The following ATP7B variants were observed in gnomAD, a reference collection of about 807,000 sequenced individuals.
ATP7B encodes ATPase copper transporting beta.
A neutral mutation model predicts 118.9 loss-of-function variants in ATP7B; 113 were observed. The ratio of observed to expected loss-of-function variants is 0.95; its 90% CI spans 0.82 to 1.11. The LOEUF (loss-of-function observed/expected upper bound fraction) is 1.11, where lower values mean the gene tolerates loss of function less well. ATP7B is among the 50% of genes most tolerant of loss of function. The pLI is 0.00. For synonymous variants in ATP7B, 777 were observed against 727.4 expected, an observed-to-expected ratio of 1.07 and a Z score of -1.10; for missense variants, 1,867 against 1,871.4, an observed-to-expected ratio of 1.00 and a Z score of 0.04.
chr13:51,957,112 TAAG>T (rs1958397067), intron 9 of ATP7B, among the ~76,000 whole-genome samples: 1 of 152,186 alleles, frequency 6.6e-6, no homozygotes, highest in Admixed American at 6.5e-5. Flanking sequence ...CAGGCAACCT[TAAG>T]AAGAAGATAA....
At chr13:52,010,501 T>G (rs1218578417) in intron 1 of ATP7B, among the ~76,000 whole-genome samples, 2 of 152,176 alleles carry the variant, frequency 1.3e-5, no homozygotes, top group Non-Finnish European at 2.9e-5. Flanking sequence ...TAAACTATGA[T>G]GCGTCCAAAC....
At position 51,964,974 on chromosome 13, in the gene ATP7B, TG is replaced by T; in HGVS notation, c.1766del (p.Thr589LysfsTer59). On this transcript the variant is annotated frameshift_variant, in exon 5 of 21. Transcript: ENST00000242839. LOFTEE classifies it high-confidence loss of function. ...CAACGGAGGCATAAGTGATGCCATT[TG>T]TCCTCGTGAGTTTGGACTCTATGTT... ...VHNIESKLTR[T>X]NGITYASVAL... The T allele has an allele frequency of 6.2e-7, 1 of 1,614,236 alleles. No homozygotes were observed. Among genetic ancestry groups the T allele is most frequent in the Non-Finnish European group, 8.5e-7 (1 of 1,180,040 alleles).
intron 1 of ATP7B, 33 bp downstream of exon 1, chr13:52,011,254 C>A (rs752911775): frequency 6.2e-7 from 1 of 1,614,164 alleles, no homozygotes; most frequent in Non-Finnish European, 8.5e-7. Flanking sequence ...TGGGAGTGAG[C>A]ACGCTGCGCG....
rs539337161 is a variant in ATP7B, at chr13:51,986,017, C to T, written c.52-10849G>A. ...CAATTAAAAGAACTAGAGCAGCAAG[C>T]GCAAAGAAATTCAAACGCTAGCAGA... On this transcript the variant is annotated intron_variant, in intron 1 of 20. Transcript: ENST00000242839. Among the ~76,000 whole-genome samples, 7 of 151,932 alleles carry T rather than the reference C, an allele frequency of 4.6e-5. No individual in the cohort carries two copies. The East Asian group carries it at 5.8e-4, about 13-fold the overall frequency.
intron 3 of ATP7B, 90 bp from the exon 4 acceptor site, chr13:51,968,697 T>G: frequency 1.4e-6 from 2 of 1,466,490 alleles, no homozygotes; most frequent in Non-Finnish European, 1.9e-6. Context: ...GAAACACATC[T>G]TCCCAGAATC....
chr13:51,968,638 C>T lies in ATP7B; in HGVS notation c.1544-31G>A, dbSNP rs1951689004. The T allele has an allele frequency of 3.7e-6, 6 of 1,613,318 alleles. No homozygotes were observed. The South Asian group carries it at 6.6e-5, about 18-fold the overall frequency. ...ACCATCAGGTCATGGCTGTAACACT[C>T]TGGGTGGGCAGGGCCTCTAGGTTGA... On this transcript the variant is annotated intron_variant, in intron 3 of 20. Transcript: ENST00000242839.
chr13:51,997,715 G>A (rs529411937), intron 1 of ATP7B, among the ~76,000 whole-genome samples: 1 of 152,148 alleles, frequency 6.6e-6, no homozygotes, highest in Admixed American at 6.5e-5. Flanking sequence ...GGATTACAAG[G>A]GGCAGAAAAT....
chr13:52,010,455 T>C (rs1192657616), intron 1 of ATP7B, among the ~76,000 whole-genome samples: 1 of 152,142 alleles, frequency 6.6e-6, no homozygotes, highest in African/African-American at 2.4e-5. Flanking sequence ...AGAAAAAAAG[T>C]AGCAAACAGA....
intron 1 of ATP7B, among the ~76,000 whole-genome samples, chr13:52,008,604 C>T (rs754275253): frequency 3.3e-5 from 5 of 152,292 alleles, no homozygotes; most frequent in Admixed American, 6.5e-5. Context: ...GCTCTTATCA[C>T]CATCTCTCAG....
chr13:52,000,747 G>T (rs1953454437), intron 1 of ATP7B, among the ~76,000 whole-genome samples: 1 of 152,176 alleles, frequency 6.6e-6, no homozygotes, highest in African/African-American at 2.4e-5. Flanking sequence ...TCATCCAGGT[G>T]CAGGGGCTCA....
chr13:52,008,279 G>A (rs1953871233), intron 1 of ATP7B, among the ~76,000 whole-genome samples: 1 of 152,222 alleles, frequency 6.6e-6, no homozygotes, highest in African/African-American at 2.4e-5. Context: ...GGCACAGGTT[G>A]CAGTGAACCG....
At position 51,957,556 on chromosome 13, in the gene ATP7B, C is replaced by T. The variant is rs1409618843; in HGVS notation, c.2407G>A (p.Ala803Thr). ...TCCTCACCAAGGGTCACAACGGTGGCTTCTGTGGCTTGGAGAGACATGAGT... is the reference window on the plus strand; with the variant it reads ...TCCTCACCAAGGGTCACAACGGTGGTTTCTGTGGCTTGGAGAGACATGAGT... ...AKLMSLQATEATVVTLGEDNL... is the reference protein window; with the variant it reads ...AKLMSLQATETTVVTLGEDNL... Residue 803 changes from alanine to threonine, a missense_variant, in exon 9 of 21, where the codon GCC (alanine) becomes ACC (threonine). Coordinates refer to ENST00000242839, the MANE Select transcript of ATP7B (RefSeq NM_000053.4). 3 of 1,614,092 alleles carry T rather than the reference C, an allele frequency of 1.9e-6. No homozygotes were observed. Among genetic ancestry groups the T allele is most frequent in the East Asian group, 4.5e-5 (2 of 44,902 alleles).
At chr13:51,936,137 T>C (rs1388290596) in intron 19 of ATP7B, among the ~76,000 whole-genome samples, 2 of 152,166 alleles carry the variant, frequency 1.3e-5, no homozygotes, top group Non-Finnish European at 2.9e-5. Context: ...CAGGGCTTCA[T>C]GACATCTTTA....
At chr13:52,011,490 G>A (rs1269578907), upstream of ATP7B, 3 of 870,216 alleles carry the variant, frequency 3.4e-6, no homozygotes, top group African/African-American at 3.3e-5. Context: ...ACAGGGGTCC[G>A]GGAACCGCCC....
At chr13:52,011,613 G>A (rs565290186), upstream of ATP7B, 9 of 570,068 alleles carry the variant, frequency 1.6e-5, no homozygotes, top group Non-Finnish European at 2.8e-5. Flanking sequence ...GGGAGAGTGG[G>A]CCTCGGACCC....
At chr13:51,978,004 T>C (rs2140171413) in intron 1 of ATP7B, among the ~76,000 whole-genome samples, 1 of 152,136 alleles carries the variant, frequency 6.6e-6, no homozygotes, top group South Asian at 2.1e-4. Context: ...AGATCAAAGA[T>C]TAACATGTAA....
Position 51,957,501 on chromosome 13 carries a change from A to G in ATP7B, c.2447+15T>C. 1 of 1,609,532 alleles carries G rather than the reference A, an allele frequency of 6.2e-7. No homozygotes were observed. Among genetic ancestry groups the G allele is most frequent in the Non-Finnish European group, 8.5e-7 (1 of 1,175,788 alleles). On this transcript the variant is annotated intron_variant, in intron 9 of 20. Coordinates refer to ENST00000242839, the MANE Select transcript of ATP7B (RefSeq NM_000053.4). ...TAGATACCAACCACAAAGACATTTG[A>G]TAACCATAACTCACCTGATGATTAA...
intron 19 of ATP7B, among the ~76,000 whole-genome samples, chr13:51,935,917 A>C (rs938803564): frequency 1.8e-4 from 28 of 151,914 alleles, no homozygotes; most frequent in African/African-American, 6.8e-4. Flanking sequence ...GCTCTCTTCC[A>C]CTCGCCCTGA....
rs121907990 is a variant in ATP7B, at chr13:51,937,570, T to A, written c.3809A>T (p.Asn1270Ile). 2 of 1,614,122 alleles carry A rather than the reference T, an allele frequency of 1.2e-6. No homozygotes were observed. Among genetic ancestry groups the A allele is most frequent in the Non-Finnish European group, 1.7e-6 (2 of 1,180,048 alleles). Residue 1270 changes from asparagine (N) to isoleucine (I), a missense_variant, in exon 18 of 21, where the codon AAT becomes ATT. By Grantham distance (149) the Asn-to-Ile change is moderately radical. Coordinates refer to ENST00000242839, the MANE Select transcript of ATP7B (RefSeq NM_000053.4). The stretch of plus-strand genomic sequence containing the variant: ...TGCCTGGGCCAAGGCCGGGGAGTCA[T>A]TGACCCCATCCCCCACCATGGCGAC... ...KKVAMVGDGV[N>I]DSPALAQADM...
Sources: allele counts gnomAD v4.1 joint callset (sites outside exome capture counted in the v4.1 genomes callset), GRCh38; gene constraint gnomAD v4.1.1; transcripts MANE v1.5; gene names NCBI Gene and HGNC (gene_info 2026-07-23, HGNC 2026-07-21).